Variants in GNA13 observed in about 807,000 individuals in gnomAD.
GNA13 encodes the protein G protein subunit alpha 13.
A neutral mutation model predicts 33.5 loss-of-function variants in GNA13; 4 were observed. That is an observed-to-expected ratio of 0.12 (90% CI 0.06 to 0.27). GNA13 has a LOEUF of 0.27. Ranked by LOEUF, GNA13 falls within the 10% of genes least tolerant of loss-of-function variation. The pLI is 1.00. For missense variants in GNA13, 319 were observed against 487.2 expected, an observed-to-expected ratio of 0.65 and a Z score of 3.25; for synonymous variants, 176 against 183.8, an observed-to-expected ratio of 0.96 and a Z score of 0.34.
rs376703694 is a variant in GNA13, at chr17:65,017,033, A to AT, written c.561+1219dup. On this transcript the variant is annotated intron_variant, in intron 3 of 3. Transcript: ENST00000439174. ...TACTGCAATTAAAATTCTCATGCAC[A>AT]TTTTTTTTTTCCTTTGGACTATTTC... Among the ~76,000 whole-genome samples the AT allele has an allele frequency of 2.8e-3, 418 of 149,758 alleles. 2 individuals are homozygous for AT. Among genetic ancestry groups the AT allele is most frequent in the African/African-American group, 9.7e-3 (395 of 40,888 alleles).
chr17:65,021,023 T>A (rs1310614168), intron 2 of GNA13, among the ~76,000 whole-genome samples: 1 of 152,238 alleles, frequency 6.6e-6, no homozygotes, highest in African/African-American at 2.4e-5. Flanking sequence ...AAGATTATTT[T>A]ATTCGGCCCT....
chr17:65,032,413 T>C (rs2143798417), intron 2 of GNA13, among the ~76,000 whole-genome samples: 1 of 152,302 alleles, frequency 6.6e-6, no homozygotes, highest in South Asian at 2.1e-4. Flanking sequence ...TTAAAGACAG[T>C]AAATACAAAA....
chr17:65,034,012 C>CGAA (rs1442932608), intron 2 of GNA13, among the ~76,000 whole-genome samples: 1 of 50,078 alleles, frequency 2.0e-5, no homozygotes, highest in Non-Finnish European at 3.2e-5. Flanking sequence ...GACTCCGTCT[C>CGAA]AAAAAAAAAA....
intron 2 of GNA13, among the ~76,000 whole-genome samples, chr17:65,050,884 C>T (rs919317307): frequency 5.9e-5 from 9 of 152,190 alleles, no homozygotes; most frequent in Non-Finnish European, 4.4e-5. Context: ...GAACTTATCT[C>T]TCCTCATCTT....
chr17:65,042,156 C>G (rs1039440163), intron 2 of GNA13, among the ~76,000 whole-genome samples: 29 of 151,996 alleles, frequency 1.9e-4, no homozygotes, highest in Admixed American at 1.8e-3. Context: ...GTCAGGAGTT[C>G]AAGGCCAGCC....
Position 65,032,428 on chromosome 17 carries a change from G to A in GNA13, c.511-14125C>T, listed in dbSNP as rs77811077. Among the ~76,000 whole-genome samples the A allele has an allele frequency of 2.8e-4, 42 of 152,072 alleles. 1 individual carries two copies. The East Asian group carries it at 7.7e-3, about 28-fold the overall frequency. On this transcript the variant is annotated intron_variant, in intron 2 of 3. Transcript: ENST00000439174. ...TTAAAGACAGTAAATACAAAACCAG[G>A]CCTGATTACATTTTAAGTTTATTCA...
intron 2 of GNA13, among the ~76,000 whole-genome samples, chr17:65,024,185 G>C (rs1470144256): frequency 3.9e-5 from 6 of 152,154 alleles, no homozygotes; most frequent in Admixed American, 6.5e-5. Context: ...CCCGGGGGTT[G>C]AGGCTGCAAT....
intron 2 of GNA13, among the ~76,000 whole-genome samples, chr17:65,031,950 G>T (rs1043797421): frequency 1.3e-5 from 2 of 148,796 alleles, no homozygotes; most frequent in Admixed American, 6.7e-5. Flanking sequence ...GTGTGTGTGT[G>T]TGTGTGTATA....
intron 2 of GNA13, among the ~76,000 whole-genome samples, chr17:65,034,752 G>C (rs1907182628): frequency 6.6e-6 from 1 of 152,156 alleles, no homozygotes; most frequent in Non-Finnish European, 1.5e-5. Flanking sequence ...TGGAGAAACA[G>C]AGAAAAAAGT....
At chr17:65,046,174 G>GTGCT (rs1907654373) in intron 2 of GNA13, among the ~76,000 whole-genome samples, 1 of 152,140 alleles carries the variant, frequency 6.6e-6, no homozygotes, top group Admixed American at 6.6e-5. Context: ...ATATGATCAT[G>GTGCT]AATGTGATAG....
intron 2 of GNA13, among the ~76,000 whole-genome samples, chr17:65,031,911 A>AGTGTGT (rs1907046133): frequency 7.1e-6 from 1 of 140,372 alleles, no homozygotes; most frequent in Non-Finnish European, 1.5e-5. Context: ...AGAGAGAGAG[A>AGTGTGT]GAGAGAGAGA....
At chr17:65,038,989 C>T (rs573431058) in intron 2 of GNA13, among the ~76,000 whole-genome samples, 3 of 152,144 alleles carry the variant, frequency 2.0e-5, no homozygotes, top group South Asian at 4.1e-4. Flanking sequence ...GTAAAAAAAT[C>T]GTTAAGTCAA....
At chr17:65,036,677 G>A (rs952618877) in intron 2 of GNA13, among the ~76,000 whole-genome samples, 1 of 152,212 alleles carries the variant, frequency 6.6e-6, no homozygotes, top group Non-Finnish European at 1.5e-5. Flanking sequence ...CTGCACTCCA[G>A]CCTGGGTGAA....
At chr17:65,031,919 A>AGTGTGTGT (rs1907050606) in intron 2 of GNA13, among the ~76,000 whole-genome samples, 11 of 125,566 alleles carry the variant, frequency 8.8e-5, no homozygotes, top group South Asian at 7.7e-4. Context: ...AGAGAGAGAG[A>AGTGTGTGT]GAGTGTGTGT....
chr17:65,046,208 T>C (rs1461682115), intron 2 of GNA13, among the ~76,000 whole-genome samples: 1 of 152,174 alleles, frequency 6.6e-6, no homozygotes, highest in East Asian at 1.9e-4. Context: ...GCAAAGCAAA[T>C]GTTGTTATAA....
rs1906256389 is a variant in GNA13 at position 65,013,338 on chromosome 17, AGGATTG to A, written c.*913_*918del. 4.8e-6 allele frequency: 1 copy of A among 209,744 alleles called. No individual in the cohort carries two copies. Among genetic ancestry groups the A allele is most frequent in the African/African-American group, 2.3e-5 (1 of 44,098 alleles). The allele number at this position is 209,744 out of a possible 1,614,324, so 13.0% of individuals were successfully genotyped here. On this transcript the variant is annotated 3_prime_UTR_variant, in exon 4 of 4. Coordinates refer to ENST00000439174, the MANE Select transcript of GNA13 (RefSeq NM_006572.6). ...GATACAACAATGATTTCCTACAGTA[AGGATTG>A]GTCTTTACTGACCAACTGAGATAGG...
At chr17:65,047,103 AG>A (rs1907692534) in intron 2 of GNA13, among the ~76,000 whole-genome samples, 1 of 152,252 alleles carries the variant, frequency 6.6e-6, no homozygotes, top group African/African-American at 2.4e-5. Context: ...TTAATTAAAA[AG>A]AAAAAAACTT....
At chr17:65,018,612 A>G (rs1906468410) in intron 2 of GNA13, among the ~76,000 whole-genome samples, 1 of 152,234 alleles carries the variant, frequency 6.6e-6, no homozygotes, top group South Asian at 2.1e-4. Context: ...ACATATAATT[A>G]GAAGATGAAA....
At chr17:65,016,840 A>G (rs1215587202) in intron 3 of GNA13, among the ~76,000 whole-genome samples, 1 of 152,194 alleles carries the variant, frequency 6.6e-6, no homozygotes. Flanking sequence ...CTACCTCTGC[A>G]TTTTTGCTTA....
Sources: allele counts gnomAD v4.1 joint callset (sites outside exome capture counted in the v4.1 genomes callset), GRCh38; gene constraint gnomAD v4.1.1; transcripts MANE v1.5; gene names NCBI Gene and HGNC (gene_info 2026-07-23, HGNC 2026-07-21).